The following IGF2BP2 variants were observed in gnomAD, a reference collection of about 807,000 sequenced individuals.
IGF2BP2 encodes the protein insulin like growth factor 2 mRNA binding protein 2, also known as insulin-like growth factor 2 mRNA-binding protein 2.
In IGF2BP2, 17 loss-of-function variants were observed where a neutral mutation model predicts 75.8. The ratio of observed to expected loss-of-function variants is 0.22; its 90% CI spans 0.15 to 0.34. The LOEUF (loss-of-function observed/expected upper bound fraction) is 0.34. IGF2BP2 is among the 10% of genes least tolerant of loss of function. The probability of loss-of-function intolerance (pLI) is 1.00; values close to 1 mark genes in which losing one functional copy is unlikely to be tolerated. For synonymous variants in IGF2BP2, 288 were observed against 295.6 expected, an observed-to-expected ratio of 0.97 and a Z score of 0.26; for missense variants, 516 against 772.4, an observed-to-expected ratio of 0.67 and a Z score of 3.93.
chr3:185,733,582 C>T (rs1728469490), intron 2 of IGF2BP2, among the ~76,000 whole-genome samples: 1 of 152,114 alleles, frequency 6.6e-6, no homozygotes, highest in South Asian at 2.1e-4. Context: ...CATGGAGAAA[C>T]CCCATGTCTA....
chr3:185,781,189 T>A (rs1463917094), intron 2 of IGF2BP2, among the ~76,000 whole-genome samples: 1 of 152,078 alleles, frequency 6.6e-6, no homozygotes, highest in African/African-American at 2.4e-5. Flanking sequence ...TAAGGATGAA[T>A]TCCAGCTATT....
At chr3:185,682,146 C>A (rs980827553) in intron 7 of IGF2BP2, among the ~76,000 whole-genome samples, 1 of 152,146 alleles carries the variant, frequency 6.6e-6, no homozygotes. Flanking sequence ...GAGAAATATT[C>A]ACCAATTATT....
At chr3:185,698,117 T>C (rs1722818094) in intron 3 of IGF2BP2, among the ~76,000 whole-genome samples, 182 bp downstream of exon 3, 1 of 152,186 alleles carries the variant, frequency 6.6e-6, no homozygotes, top group African/African-American at 2.4e-5. Context: ...ACACATTCTA[T>C]GAAAGAAACA....
rs1713201996 is a variant in IGF2BP2, at chr3:185,644,614, G to A, written c.*917C>T. On this transcript the variant is annotated 3_prime_UTR_variant, in exon 16 of 16. Transcript: ENST00000382199. ...TGGGGGGGGGGGGGTGCGTAGATAC[G>A]GGATTGAGATGGAGGGATGAGGAAA... 7.4e-6 allele frequency: 1 copy of A among 135,202 alleles called. No individual in the cohort carries two copies. Among genetic ancestry groups the A allele is most frequent in the Non-Finnish European group, 1.7e-5 (1 of 60,528 alleles). The allele number at this position is 135,202 out of a possible 1,614,324, so 8.4% of individuals were successfully genotyped here.
chr3:185,782,566 T>C (rs1314501565), intron 2 of IGF2BP2, among the ~76,000 whole-genome samples: 3 of 152,106 alleles, frequency 2.0e-5, no homozygotes, highest in African/African-American at 7.2e-5. Flanking sequence ...TTGAGACCCT[T>C]TGAAAAGGGC....
intron 2 of IGF2BP2, among the ~76,000 whole-genome samples, chr3:185,713,702 C>A (rs1205415184): frequency 6.6e-6 from 1 of 152,112 alleles, no homozygotes; most frequent in Non-Finnish European, 1.5e-5. Context: ...GCTACATACT[C>A]TTTTTCATTT....
intron 2 of IGF2BP2, among the ~76,000 whole-genome samples, chr3:185,727,684 CTGTT>C (rs1255512681): frequency 6.6e-6 from 1 of 152,116 alleles, no homozygotes; most frequent in African/African-American, 2.4e-5. Context: ...AATCATGACA[CTGTT>C]TGAATATTAT....
chr3:185,738,403 A>G (rs1729122529), intron 2 of IGF2BP2, among the ~76,000 whole-genome samples: 1 of 152,198 alleles, frequency 6.6e-6, no homozygotes, highest in South Asian at 2.1e-4. Flanking sequence ...CCTTGAGAAC[A>G]TGAAAAGTAT....
At chr3:185,691,430 A>G (rs1441158597) in intron 5 of IGF2BP2, among the ~76,000 whole-genome samples, 1 of 152,084 alleles carries the variant, frequency 6.6e-6, no homozygotes, top group Non-Finnish European at 1.5e-5. Context: ...CAAAATTAAC[A>G]TTTTGAAAAC....
At chr3:185,646,945 C>T (rs1175674791) in intron 15 of IGF2BP2, 80 bp downstream of exon 15, 2 of 1,078,002 alleles carry the variant, frequency 1.9e-6, no homozygotes, top group South Asian at 2.5e-5. Flanking sequence ...GGGCCTGTGG[C>T]CACCTGACAG....
intron 2 of IGF2BP2, among the ~76,000 whole-genome samples, chr3:185,750,741 C>A (rs1030949996): frequency 6.6e-6 from 1 of 152,188 alleles, no homozygotes; most frequent in Non-Finnish European, 1.5e-5. Flanking sequence ...CCAATCCAGA[C>A]CCCCCTCATA....
At chr3:185,769,756 G>T (rs1458058230) in intron 2 of IGF2BP2, among the ~76,000 whole-genome samples, 1 of 146,938 alleles carries the variant, frequency 6.8e-6, no homozygotes, top group South Asian at 2.2e-4. Flanking sequence ...TTGAGCCCAG[G>T]AGGTCAATGC....
At chr3:185,752,778 G>T (rs541346442) in intron 2 of IGF2BP2, among the ~76,000 whole-genome samples, 2 of 152,122 alleles carry the variant, frequency 1.3e-5, no homozygotes, top group African/African-American at 4.8e-5. Context: ...TGTATTTTGG[G>T]TAGAGACAGG....
chr3:185,648,331 C>T (rs1450233973), intron 14 of IGF2BP2, among the ~76,000 whole-genome samples: 11 of 151,938 alleles, frequency 7.2e-5, no homozygotes, highest in African/African-American at 1.2e-4. Context: ...GGCATGGTGG[C>T]GGGCGCCTGC....
rs140662767 is a variant in IGF2BP2, at chr3:185,804,956, G to A, written c.239+18197C>T. ...TGCAGTGAGCCAAGATGGCGCCACTGCACTCCAGCCTGGGTGACAGAGCAA... is the reference window on the plus strand; with the variant it reads ...TGCAGTGAGCCAAGATGGCGCCACTACACTCCAGCCTGGGTGACAGAGCAA... On this transcript the variant is annotated intron_variant, in intron 2 of 15. Transcript: ENST00000382199. Among the ~76,000 whole-genome samples, 583 of 149,416 alleles carry A rather than the reference G, an allele frequency of 3.9e-3. 2 individuals are homozygous for A. Among genetic ancestry groups the A allele is most frequent in the Admixed American group, 6.2e-3 (93 of 14,918 alleles).
At chr3:185,757,529 A>C (rs1342576095) in intron 2 of IGF2BP2, among the ~76,000 whole-genome samples, 1 of 142,708 alleles carries the variant, frequency 7.0e-6, no homozygotes, top group Non-Finnish European at 1.5e-5. Flanking sequence ...CAGTGGCACG[A>C]TCATGGCTCA....
intron 4 of IGF2BP2, among the ~76,000 whole-genome samples, chr3:185,695,875 C>T (rs528179939): frequency 6.6e-6 from 1 of 152,240 alleles, no homozygotes; most frequent in East Asian, 1.9e-4. Context: ...ACTGCAACCA[C>T]CTCCCAGGCT....
At chr3:185,748,046 AG>A (rs2149608606) in intron 2 of IGF2BP2, among the ~76,000 whole-genome samples, 1 of 152,034 alleles carries the variant, frequency 6.6e-6, no homozygotes. Flanking sequence ...TAGTAGAGAC[AG>A]GGTTTCACTG....
At chr3:185,782,466 T>C (rs956599616) in intron 2 of IGF2BP2, among the ~76,000 whole-genome samples, 1 of 152,036 alleles carries the variant, frequency 6.6e-6, no homozygotes, top group African/African-American at 2.4e-5. Flanking sequence ...CTGCTTGGAA[T>C]TAACCTTTTG....
Sources: gnomAD v4.1 joint callset for allele counts (sites outside exome capture counted in the v4.1 genomes callset) on GRCh38, gnomAD v4.1.1 for gene constraint, MANE v1.5 for transcripts, NCBI Gene and HGNC (gene_info 2026-07-23, HGNC 2026-07-21) for gene names.